The following FER variants were observed in gnomAD, a reference collection of about 807,000 sequenced individuals.
FER encodes the protein tyrosine-protein kinase Fer.
In FER, 63 loss-of-function variants were observed where a neutral mutation model predicts 111.0. The ratio of observed to expected loss-of-function variants is 0.57; its 90% CI spans 0.46 to 0.70. The LOEUF (loss-of-function observed/expected upper bound fraction) is 0.70. Ranked by LOEUF, FER falls within the 30% of genes least tolerant of loss-of-function variation. The pLI is 0.00. For synonymous variants in FER, 327 were observed against 313.9 expected (o/e 1.04, Z -0.44); for missense variants, 914 against 954.0 (o/e 0.96, Z 0.55).
At chr5:108,763,430 T>A (rs1751981273) in intron 1 of FER, among the ~76,000 whole-genome samples, 1 of 152,194 alleles carries the variant, frequency 6.6e-6, no homozygotes. Flanking sequence ...CAGATTTGCA[T>A]CATAGGAGAG....
chr5:109,116,128 A>T (rs17450435), intron 17 of FER, among the ~76,000 whole-genome samples: 15,848 of 151,932 alleles, frequency 0.1, 840 homozygotes, highest in Non-Finnish European at 0.12. Context: ...GCCTTTTCTG[A>T]GTTACGGTCT....
chr5:108,750,134 G>A (rs1039291620), intron 1 of FER, among the ~76,000 whole-genome samples: 1 of 152,136 alleles, frequency 6.6e-6, no homozygotes, highest in African/African-American at 2.4e-5. Context: ...GATATGTTAA[G>A]ATAATAAATT....
chr5:108,950,409 A>G (rs918574125), intron 11 of FER, among the ~76,000 whole-genome samples: 8 of 152,316 alleles, frequency 5.3e-5, no homozygotes, highest in African/African-American at 1.2e-4. Context: ...TTCATTATAG[A>G]ATGTAAATAT....
At chr5:109,058,248 A>T (rs896122296) in intron 16 of FER, among the ~76,000 whole-genome samples, 1 of 152,170 alleles carries the variant, frequency 6.6e-6, no homozygotes, top group African/African-American at 2.4e-5. Flanking sequence ...CTAACATTAT[A>T]TTTAATGAAT....
At chr5:108,974,032 A>G (rs1433965698) in intron 13 of FER, among the ~76,000 whole-genome samples, 1 of 152,206 alleles carries the variant, frequency 6.6e-6, no homozygotes, top group East Asian at 1.9e-4. Context: ...TCTGAAATAA[A>G]TAGTAGAAAT....
chr5:108,785,108 A>G lies in FER; in HGVS notation c.-59-13016A>G, dbSNP rs878920481. 2.1e-5 allele frequency: 10 copies of G among 481,114 alleles called. 2 individuals carry two copies. Among genetic ancestry groups the G allele is most frequent in the South Asian group, 2.9e-5 (1 of 34,752 alleles). 29.8% of individuals were successfully genotyped at this position (481,114 alleles called of 1,614,324 possible). ...CAGCAACCCTATCACTGTCTCCTGT[A>G]GCTGGGACAAGCTGGTCAAGGTATG... On this transcript the variant is annotated intron_variant, in intron 2 of 19. Coordinates refer to ENST00000281092, the MANE Select transcript of FER (RefSeq NM_005246.4).
intron 13 of FER, among the ~76,000 whole-genome samples, chr5:109,035,901 C>G (rs1770322710): frequency 6.6e-6 from 1 of 152,122 alleles, no homozygotes; most frequent in Non-Finnish European, 1.5e-5. Context: ...ATTTGTATAT[C>G]ACTGGTGACT....
intron 8 of FER, among the ~76,000 whole-genome samples, chr5:108,876,424 C>G (rs1300459131): frequency 6.6e-6 from 1 of 152,132 alleles, no homozygotes; most frequent in Non-Finnish European, 1.5e-5. Flanking sequence ...CTGCTTGGCA[C>G]TATACAAATC....
intron 17 of FER, among the ~76,000 whole-genome samples, chr5:109,137,875 A>T (rs1420538346): frequency 6.6e-6 from 1 of 152,166 alleles, no homozygotes; most frequent in Non-Finnish European, 1.5e-5. Flanking sequence ...TCTTTTTCTT[A>T]TGGACTTACC....
chr5:109,074,059 A>G (rs1776055163), intron 16 of FER, among the ~76,000 whole-genome samples: 1 of 152,196 alleles, frequency 6.6e-6, no homozygotes, highest in African/African-American at 2.4e-5. Context: ...AAATGCAAAG[A>G]AAATAGAAAT....
intron 8 of FER, among the ~76,000 whole-genome samples, chr5:108,879,357 G>A (rs1045102570): frequency 3.3e-5 from 5 of 151,746 alleles, no homozygotes; most frequent in African/African-American, 1.2e-4. Context: ...GTATTGTCTC[G>A]CATGCATTAA....
At chr5:108,846,818 T>TGTGATCTTCCC (rs1458294416) in intron 5 of FER, among the ~76,000 whole-genome samples, 50 of 152,002 alleles carry the variant, frequency 3.3e-4, no homozygotes, top group African/African-American at 1.2e-3. Context: ...CTCCTGACTT[T>TGTGATCTTCCC]GTGATCTTCC....
At chr5:108,958,217 G>A (rs958511378) in intron 12 of FER, among the ~76,000 whole-genome samples, 5 of 149,874 alleles carry the variant, frequency 3.3e-5, no homozygotes, top group Admixed American at 6.7e-5. Flanking sequence ...AGAGCTTTGA[G>A]TTTTTAAACT....
chr5:109,170,779 G>A (rs1347744235), intron 17 of FER, among the ~76,000 whole-genome samples: 1 of 152,166 alleles, frequency 6.6e-6, no homozygotes, highest in Admixed American at 6.6e-5. Flanking sequence ...CCCTCTGAGT[G>A]TGACTTGCAT....
chr5:108,851,517 A>G (rs890428733), intron 5 of FER, among the ~76,000 whole-genome samples: 1 of 152,166 alleles, frequency 6.6e-6, no homozygotes, highest in African/African-American at 2.4e-5. Flanking sequence ...ATACACATGC[A>G]GGTTCTTGTG....
intron 2 of FER, among the ~76,000 whole-genome samples, chr5:108,775,586 T>A (rs1753399425): frequency 1.3e-5 from 2 of 152,200 alleles, no homozygotes; most frequent in South Asian, 4.1e-4. Flanking sequence ...TTATAGACTT[T>A]CAAAGTTTTT....
chr5:108,898,547 C>T lies in FER; in HGVS notation c.1236+699C>T, dbSNP rs537406569. Among the ~76,000 whole-genome samples the T allele has an allele frequency of 4.9e-3, 669 of 136,578 alleles. 7 individuals are homozygous for T. Among genetic ancestry groups the T allele is most frequent in the Non-Finnish European group, 5.4e-3 (334 of 61,986 alleles). The allele number at this position is 136,578 out of a possible 152,430, so 89.6% of individuals were successfully genotyped here. A position where few individuals can be genotyped will look rare whatever the true frequency, so the allele number is the denominator to read the frequency against. The stretch of plus-strand genomic sequence containing the variant: ...CCTTCCTTTCCCTCCCTTCCCCTCC[C>T]CTTCCTCCCTTCCCTTCCCTTCCCT... On this transcript the variant is annotated intron_variant, in intron 10 of 19. Transcript: ENST00000281092.
chr5:108,967,604 A>G (rs2149687697), intron 13 of FER, among the ~76,000 whole-genome samples: 1 of 152,102 alleles, frequency 6.6e-6, no homozygotes, highest in East Asian at 1.9e-4. Context: ...TACTAAAAAT[A>G]CAAAAATTAG....
intron 13 of FER, among the ~76,000 whole-genome samples, chr5:108,997,893 C>T (rs949264289): frequency 6.6e-6 from 1 of 152,114 alleles, no homozygotes; most frequent in African/African-American, 2.4e-5. Context: ...GTGTGGTAGG[C>T]TCCTCCCAGT....
Sources: gnomAD v4.1 joint callset for allele counts (sites outside exome capture counted in the v4.1 genomes callset) on GRCh38, gnomAD v4.1.1 for gene constraint, MANE v1.5 for transcripts, NCBI Gene and HGNC (gene_info 2026-07-23, HGNC 2026-07-21) for gene names.